The following SFSWAP variants were observed in gnomAD, a reference collection of about 807,000 sequenced individuals.
The protein encoded by SFSWAP is splicing factor SWAP, also known as splicing factor, suppressor of white-apricot homolog.
In SFSWAP, 17 loss-of-function variants were observed where a neutral mutation model predicts 100.7. The ratio of observed to expected loss-of-function variants is 0.17; its 90% CI spans 0.12 to 0.25. The LOEUF (loss-of-function observed/expected upper bound fraction) is 0.25. SFSWAP is among the 10% of genes least tolerant of loss of function. The pLI is 1.00. For missense variants in SFSWAP, 1,005 were observed against 1,262.6 expected (o/e 0.80, Z 3.09); for synonymous variants, 504 against 510.1 (o/e 0.99, Z 0.16).
intron 16 of SFSWAP, 43 bp from the exon 17 acceptor site, chr12:131,798,994 C>T (rs778835489): frequency 2.0e-6 from 3 of 1,510,300 alleles, no homozygotes; most frequent in Non-Finnish European, 2.8e-6. Context: ...GGCTCAGCAT[C>T]TTCACACGGT....
At position 131,766,328 on chromosome 12, in the gene SFSWAP, T is replaced by C. The variant is rs1883114890; in HGVS notation, c.2142+20T>C. On this transcript the variant is annotated intron_variant, in intron 13 of 17. Transcript: ENST00000261674. ...GTCGAGGTATAGTAAAATCCCACAT[T>C]GGTATCTGCGGGGCTGTGTGATACA... The C allele has an allele frequency of 4.4e-6, 7 of 1,607,416 alleles. No homozygotes were observed. Among genetic ancestry groups the C allele is most frequent in the Non-Finnish European group, 6.0e-6 (7 of 1,175,228 alleles).
chr12:131,738,377 C>T (rs765454058), intron 7 of SFSWAP, among the ~76,000 whole-genome samples: 11 of 152,112 alleles, frequency 7.2e-5, no homozygotes, highest in South Asian at 4.1e-4. Flanking sequence ...CTGAGGTCAT[C>T]GTGCTAAATA....
intron 4 of SFSWAP, among the ~76,000 whole-genome samples, chr12:131,720,267 C>T (rs767176887): frequency 1.5e-4 from 23 of 152,206 alleles, no homozygotes; most frequent in Non-Finnish European, 2.6e-4. Flanking sequence ...TTAATGCTAA[C>T]AACCCTATAA....
At chr12:131,787,377 G>A (rs1417507452) in intron 15 of SFSWAP, among the ~76,000 whole-genome samples, 2 of 152,186 alleles carry the variant, frequency 1.3e-5, no homozygotes, top group African/African-American at 4.8e-5. Flanking sequence ...CCGTGGGGGT[G>A]CCATCTCACG....
Position 131,733,442 on chromosome 12 carries a change from G to A in SFSWAP, c.1081+5014G>A, listed in dbSNP as rs12370005. Reference sequence around the variant, plus strand: ...AGGAAATTTCACGATCATAAAGCACGGCATGCATCCTGAGAGCCAGGCAGC... The same window carrying A: ...AGGAAATTTCACGATCATAAAGCACAGCATGCATCCTGAGAGCCAGGCAGC... On this transcript the variant is annotated intron_variant, in intron 7 of 17. Coordinates refer to ENST00000261674, the MANE Select transcript of SFSWAP (RefSeq NM_004592.4). This position sits in a 1 kb window ranked among gnomAD's most constrained non-coding sequence, Gnocchi z 5.1. Among the ~76,000 whole-genome samples, 24,961 of 152,074 alleles carry A rather than the reference G, an allele frequency of 0.16. 2,364 individuals carry two copies. The highest frequency in any genetic ancestry group is 0.28 in the South Asian group (1,354 of 4,814).
chr12:131,711,498 T>A lies in SFSWAP; in HGVS notation c.218+51T>A. On this transcript the variant is annotated intron_variant, in intron 1 of 17. Coordinates refer to ENST00000261674, the MANE Select transcript of SFSWAP (RefSeq NM_004592.4). The surrounding 1 kb of genome is among the most constrained non-coding windows in gnomAD (Gnocchi z 4.9). ...TCCTTCCCTTCCCTCACCCGCTTGATCTCGTCTGATGTTGACTTGACTGCA... is the reference window on the plus strand; with the variant it reads ...TCCTTCCCTTCCCTCACCCGCTTGAACTCGTCTGATGTTGACTTGACTGCA... 6.8e-7 allele frequency: 1 copy of A among 1,463,616 alleles called. No individual in the cohort carries two copies. The highest frequency in any genetic ancestry group is 9.5e-7 in the Non-Finnish European group (1 of 1,050,122). The allele number at this position is 1,463,616 out of a possible 1,614,324, so 90.7% of individuals were successfully genotyped here.
intron 14 of SFSWAP, chr12:131,785,748 G>A (rs1884846136): frequency 6.5e-6 from 1 of 153,618 alleles, no homozygotes; most frequent in East Asian, 1.9e-4. Context: ...GTGTTAATGG[G>A]TGGCTTTGCA....
chr12:131,753,130 G>A lies in SFSWAP; in HGVS notation c.1089G>A (p.Val363=). ...GGCAATGTGTCTCCACAGCGACCGT[G>A]GCAGCCATGTATTACAGCTACTACA... ...SQVEYTADST[V]AAMYYSYYML... The change falls in exon 8 of 18, where the codon GTG becomes GTA. Residue 363 remains valine, a synonymous_variant. Coordinates refer to ENST00000261674, the MANE Select transcript of SFSWAP (RefSeq NM_004592.4). The A allele has an allele frequency of 6.2e-7, 1 of 1,614,148 alleles. No homozygotes were observed. Among genetic ancestry groups the A allele is most frequent in the Non-Finnish European group, 8.5e-7 (1 of 1,180,030 alleles).
Position 131,785,490 on chromosome 12 carries a change from T to C in SFSWAP, c.2409-973T>C, listed in dbSNP as rs1884828062. 3 of 360,356 alleles carry C rather than the reference T, an allele frequency of 8.3e-6. No individual in the cohort carries two copies. The South Asian group carries it at 1.6e-4, about 19-fold the overall frequency. 22.3% of individuals were successfully genotyped at this position (360,356 alleles called of 1,614,324 possible). On this transcript the variant is annotated intron_variant, in intron 14 of 17. Coordinates refer to ENST00000261674, the MANE Select transcript of SFSWAP (RefSeq NM_004592.4). ...TATATTGTTTTTGAATGAGTTGTCATGGAAACAAAATGGAAATAAATGGTG... is the reference window on the plus strand; with the variant it reads ...TATATTGTTTTTGAATGAGTTGTCACGGAAACAAAATGGAAATAAATGGTG...
Position 131,711,686 on chromosome 12 carries a change from G to T in SFSWAP, c.218+239G>T. ...GTCCGTCTCCGGAGGGATCGTCTCT[G>T]GTCCCGCAGCCCCTCTCGACCCCTC... On this transcript the variant is annotated intron_variant, in intron 1 of 17. Transcript: ENST00000261674. The surrounding 1 kb of genome is among the most constrained non-coding windows in gnomAD (Gnocchi z 4.9). 1.9e-6 allele frequency: 1 copy of T among 522,724 alleles called. No homozygotes were observed. The highest frequency in any genetic ancestry group is 3.4e-6 in the Non-Finnish European group (1 of 290,774). 32.4% of individuals were successfully genotyped at this position (522,724 alleles called of 1,614,324 possible). A position where few individuals can be genotyped will look rare whatever the true frequency, so the allele number is the denominator to read the frequency against.
At chr12:131,715,273 G>A (rs1422225908) in intron 3 of SFSWAP, among the ~76,000 whole-genome samples, 1 of 152,156 alleles carries the variant, frequency 6.6e-6, no homozygotes, top group Non-Finnish European at 1.5e-5. Flanking sequence ...TTGAGGCAGT[G>A]AAAGAATAGG....
chr12:131,733,070 A>T lies in SFSWAP; in HGVS notation c.1081+4642A>T, dbSNP rs1298566466. Among the ~76,000 whole-genome samples the T allele has an allele frequency of 2.0e-5, 3 of 152,204 alleles. No individual in the cohort carries two copies. The highest frequency in any genetic ancestry group is 7.2e-5 in the African/African-American group (3 of 41,464). Reference sequence around the variant, plus strand: ...AAGCATGAAGAGAATCATGCCCCACAATGAAACCAGAGCCCTGTGGCCCGC... The same window carrying T: ...AAGCATGAAGAGAATCATGCCCCACTATGAAACCAGAGCCCTGTGGCCCGC... On this transcript the variant is annotated intron_variant, in intron 7 of 17. Coordinates refer to ENST00000261674, the MANE Select transcript of SFSWAP (RefSeq NM_004592.4). The surrounding 1 kb of genome is among the most constrained non-coding windows in gnomAD (Gnocchi z 5.1).
At chr12:131,728,236 A>T in intron 6 of SFSWAP, 57 bp from the exon 7 acceptor site, 1 of 1,598,590 alleles carries the variant, frequency 6.3e-7, no homozygotes, top group Non-Finnish European at 8.6e-7. Context: ...TTGCAGCAGA[A>T]GAGTTCTGCA....
chr12:131,773,056 T>G (rs886241680), intron 13 of SFSWAP, among the ~76,000 whole-genome samples: 9 of 152,174 alleles, frequency 5.9e-5, no homozygotes, highest in Non-Finnish European at 1.0e-4. Context: ...GAGTCTGGGG[T>G]TCTTATGGGC....
chr12:131,745,754 CTT>C (rs543730565), intron 7 of SFSWAP, among the ~76,000 whole-genome samples: 7 of 123,616 alleles, frequency 5.7e-5, no homozygotes, highest in Non-Finnish European at 5.2e-5. Flanking sequence ...TTTAGTAAGG[CTT>C]TTTTTTTTTT....
intron 7 of SFSWAP, among the ~76,000 whole-genome samples, chr12:131,745,987 T>C (rs1307449441): frequency 6.6e-6 from 1 of 152,226 alleles, no homozygotes; most frequent in African/African-American, 2.4e-5. Context: ...AGAATCCAGC[T>C]TGAAAATTAA....
chr12:131,773,286 C>T (rs886372549), intron 13 of SFSWAP, among the ~76,000 whole-genome samples: 16 of 152,120 alleles, frequency 1.1e-4, no homozygotes, highest in African/African-American at 3.4e-4. Flanking sequence ...TTTTTTCATG[C>T]GGTCATTTAC....
chr12:131,762,198 A>G (rs577286694), intron 11 of SFSWAP, among the ~76,000 whole-genome samples: 1 of 151,978 alleles, frequency 6.6e-6, no homozygotes, highest in Non-Finnish European at 1.5e-5. Flanking sequence ...GCGCCTTTGC[A>G]CTTCAGCCTG....
intron 13 of SFSWAP, among the ~76,000 whole-genome samples, chr12:131,769,380 C>T (rs921078532): frequency 6.6e-6 from 1 of 152,060 alleles, no homozygotes; most frequent in Non-Finnish European, 1.5e-5. Context: ...GTTTGTGCAG[C>T]GGGTAAAGGG....
Sources: allele counts gnomAD v4.1 joint callset (sites outside exome capture counted in the v4.1 genomes callset), GRCh38; gene constraint gnomAD v4.1.1; non-coding constraint Gnocchi (gnomAD v3.1); transcripts MANE v1.5; gene names NCBI Gene and HGNC (gene_info 2026-07-23, HGNC 2026-07-21).